PTPN5: variants seen among roughly 807,000 people sequenced by gnomAD.
PTPN5 encodes tyrosine-protein phosphatase non-receptor type 5.
A neutral mutation model predicts 73.9 loss-of-function variants in PTPN5; 29 were observed. The ratio of observed to expected loss-of-function variants is 0.39; its 90% CI spans 0.29 to 0.54. The LOEUF is 0.54. Among genes scored for constraint, PTPN5 ranks in the 20% least tolerant of loss-of-function variants. The probability of loss-of-function intolerance (pLI) is 0.65; values close to 1 mark genes in which losing one functional copy is unlikely to be tolerated. For missense variants in PTPN5, 652 were observed against 751.4 expected, an observed-to-expected ratio of 0.87 and a Z score of 1.55; for synonymous variants, 267 against 304.7, an observed-to-expected ratio of 0.88 and a Z score of 1.29.
At chr11:18,743,823 G>A (rs1376807831) in intron 4 of PTPN5, 183 bp downstream of exon 4, 3 of 670,958 alleles carry the variant, frequency 4.5e-6, no homozygotes. Flanking sequence ...TCAGATGCTG[G>A]TGCGGTAGCT....
chr11:18,756,447 C>G (rs1590555535), intron 3 of PTPN5, among the ~76,000 whole-genome samples: 1 of 151,912 alleles, frequency 6.6e-6, no homozygotes, highest in South Asian at 2.1e-4. Flanking sequence ...CAGGCACAAG[C>G]CATCATGCCT....
At chr11:18,744,285 G>C (rs1007807087) in intron 3 of PTPN5, 86 bp from the exon 4 acceptor site, 1 of 1,238,380 alleles carries the variant, frequency 8.1e-7, no homozygotes, top group South Asian at 2.0e-5. Context: ...GGCTGTGGCT[G>C]CCTCTCAATC....
chr11:18,751,041 T>C (rs189790919), intron 3 of PTPN5, among the ~76,000 whole-genome samples: 109 of 151,916 alleles, frequency 7.2e-4, no homozygotes, highest in African/African-American at 2.5e-3. Flanking sequence ...AAGGGCGGAG[T>C]GGTGGAAGAG....
intron 7 of PTPN5, among the ~76,000 whole-genome samples, chr11:18,741,380 C>G (rs1433836665): frequency 3.3e-5 from 5 of 152,182 alleles, no homozygotes; most frequent in Non-Finnish European, 5.9e-5. Flanking sequence ...TACTCAGAGT[C>G]TCAGACACAG....
intron 3 of PTPN5, among the ~76,000 whole-genome samples, chr11:18,758,703 G>T (rs1303294697): frequency 1.3e-5 from 2 of 150,474 alleles, no homozygotes; most frequent in East Asian, 1.9e-4. Context: ...CAGATATAAA[G>T]AATTCCTGAG....
At chr11:18,752,541 C>G (rs1849939209) in intron 3 of PTPN5, among the ~76,000 whole-genome samples, 1 of 152,174 alleles carries the variant, frequency 6.6e-6, no homozygotes, top group African/African-American at 2.4e-5. Context: ...AGTTTTGTCT[C>G]TGCCAGATAA....
At chr11:18,759,609 C>T (rs1442900275) in intron 3 of PTPN5, among the ~76,000 whole-genome samples, 1 of 152,200 alleles carries the variant, frequency 6.6e-6, no homozygotes, top group Non-Finnish European at 1.5e-5. Flanking sequence ...AATGGTGTTT[C>T]GTTTATACTT....
intron 1 of PTPN5, among the ~76,000 whole-genome samples, chr11:18,778,789 T>C (rs1851286862): frequency 6.6e-6 from 1 of 152,204 alleles, no homozygotes; most frequent in African/African-American, 2.4e-5. Context: ...TGCACTGCTA[T>C]AATGAAATTG....
In PTPN5 at chr11:18,733,677, CTGG is replaced by C; in HGVS notation, c.1001-45_1001-43del. ...CAAGTAAGGCTGGAAACTGGGCCCTCTGGTGCAGGACCCACTTGCTCTGGCCTA... is the reference window on the plus strand; with the variant it reads ...CAAGTAAGGCTGGAAACTGGGCCCTCTGCAGGACCCACTTGCTCTGGCCTA... On this transcript the variant is annotated intron_variant, in intron 9 of 14. Coordinates refer to ENST00000358540, the MANE Select transcript of PTPN5 (RefSeq NM_006906.2). This position sits in a 1 kb window ranked among gnomAD's most constrained non-coding sequence, Gnocchi z 4.3. 1 of 1,569,722 alleles carries C rather than the reference CTGG, an allele frequency of 6.4e-7. No individual in the cohort carries two copies. The highest frequency in any genetic ancestry group is 8.8e-7 in the Non-Finnish European group (1 of 1,139,622).
chr11:18,737,677 CAG>C (rs1212939945), intron 9 of PTPN5, among the ~76,000 whole-genome samples: 8 of 152,294 alleles, frequency 5.3e-5, no homozygotes, highest in Non-Finnish European at 1.2e-4. Flanking sequence ...GGCAAAGGAC[CAG>C]AGAGTGCTGT....
chr11:18,729,723 C>A lies in PTPN5; in HGVS notation c.1425G>T (p.Val475=), dbSNP rs369705671. The change falls in exon 13 of 15, where the codon GTG becomes GTT. Residue 475 remains valine, a synonymous_variant. Transcript: ENST00000358540. The surrounding 1 kb of genome is among the most constrained non-coding windows in gnomAD (Gnocchi z 5.2). The part of the protein sequence containing the change: ...PDRAPPLLHL[V]REVEEAAQQE... ...GCTGGGCTGCCTCCTCCACCTCCCG[C>A]ACCAGGTGCAGGAGTGGGGGGGCCC... 2.5e-6 allele frequency: 4 copies of A among 1,596,874 alleles called. No homozygotes were observed. In the African/African-American group the frequency reaches 5.4e-5, roughly 21 times the overall value.
chr11:18,728,127 G>A lies in PTPN5; in HGVS notation c.*807C>T, dbSNP rs746697801. ...GCTCTCAACACACGCATGGACATGG[G>A]AACACACGCAGAGCAACACGCAGTG... On this transcript the variant is annotated 3_prime_UTR_variant, in exon 15 of 15. Coordinates refer to ENST00000358540, the MANE Select transcript of PTPN5 (RefSeq NM_006906.2). This position sits in a 1 kb window ranked among gnomAD's most constrained non-coding sequence, Gnocchi z 4.1. 1 of 152,646 alleles carries A rather than the reference G, an allele frequency of 6.6e-6. No individual in the cohort carries two copies. Among genetic ancestry groups the A allele is most frequent in the South Asian group, 2.1e-4 (1 of 4,832 alleles). 9.5% of individuals were successfully genotyped at this position (152,646 alleles called of 1,614,324 possible).
chr11:18,752,103 C>T (rs774084353), intron 3 of PTPN5, among the ~76,000 whole-genome samples: 3 of 152,036 alleles, frequency 2.0e-5, no homozygotes, highest in Admixed American at 6.6e-5. Context: ...TGGTGGTGTG[C>T]GTCTGTAGTC....
intron 8 of PTPN5, among the ~76,000 whole-genome samples, 182 bp from the exon 9 acceptor site, chr11:18,738,146 G>A (rs1849199560): frequency 6.6e-6 from 1 of 152,212 alleles, no homozygotes; most frequent in South Asian, 2.1e-4. Flanking sequence ...CCTGGCACAT[G>A]CTGAGTGTGT....
intron 1 of PTPN5, among the ~76,000 whole-genome samples, chr11:18,782,368 C>T (rs559845618): frequency 1.3e-5 from 2 of 152,172 alleles, no homozygotes; most frequent in East Asian, 3.9e-4. Flanking sequence ...GCTGGGACTA[C>T]AGGTGTGTAC....
intron 1 of PTPN5, among the ~76,000 whole-genome samples, chr11:18,776,717 C>T (rs575790160): frequency 1.3e-5 from 2 of 152,286 alleles, no homozygotes; most frequent in East Asian, 1.9e-4. Context: ...CAGTTTATCT[C>T]AACCCCAGGC....
chr11:18,777,186 C>A lies in PTPN5; in HGVS notation c.-113-5115G>T, dbSNP rs941990695. ...AAAACAAACAAACAAACAAACAACA[C>A]CATAAAAGTAGTAAACACATAGGCT... On this transcript the variant is annotated intron_variant, in intron 1 of 14. Transcript: ENST00000358540. Among the ~76,000 whole-genome samples, 44 of 151,666 alleles carry A rather than the reference C, an allele frequency of 2.9e-4. 1 individual carries two copies. The highest frequency in any genetic ancestry group is 5.9e-5 in the Non-Finnish European group (4 of 67,944).
At chr11:18,764,584 T>C (rs1472918188) in intron 3 of PTPN5, among the ~76,000 whole-genome samples, 1 of 152,240 alleles carries the variant, frequency 6.6e-6, no homozygotes, top group African/African-American at 2.4e-5. Context: ...TTGTTTCCAA[T>C]GTCTATCTTA....
chr11:18,767,958 A>G (rs962203938), intron 2 of PTPN5, among the ~76,000 whole-genome samples: 6 of 152,170 alleles, frequency 3.9e-5, no homozygotes, highest in African/African-American at 1.4e-4. Flanking sequence ...TGCACTTGAC[A>G]CGGTTAGAAA....
Sources: allele counts gnomAD v4.1 joint callset (sites outside exome capture counted in the v4.1 genomes callset), GRCh38; gene constraint gnomAD v4.1.1; non-coding constraint Gnocchi (gnomAD v3.1); transcripts MANE v1.5; gene names NCBI Gene and HGNC (gene_info 2026-07-23, HGNC 2026-07-21).